The following CACNA1A variants were observed in gnomAD, a reference collection of about 807,000 sequenced individuals.
CACNA1A encodes voltage-dependent P/Q-type calcium channel subunit alpha-1A.
A neutral mutation model predicts 262.4 loss-of-function variants in CACNA1A; 57 were observed. The observed-to-expected ratio is 0.22, with a 90% CI of 0.18 to 0.27. CACNA1A has a LOEUF of 0.27. CACNA1A is among the 10% of genes least tolerant of loss of function. CACNA1A has a pLI of 1.00. For synonymous variants in CACNA1A, 1,431 were observed against 1,419.3 expected (o/e 1.01, Z -0.18); for missense variants, 2,526 against 3,562.8 (o/e 0.71, Z 7.41).
chr19:13,359,154 A>C (rs951664498), intron 6 of CACNA1A, among the ~76,000 whole-genome samples: 3 of 152,194 alleles, frequency 2.0e-5, no homozygotes, highest in Non-Finnish European at 4.4e-5. Flanking sequence ...GTGGGGCACA[A>C]GCTCTTGGTA....
At chr19:13,394,418 C>T (rs542635307) in intron 3 of CACNA1A, among the ~76,000 whole-genome samples, 1 of 152,336 alleles carries the variant, frequency 6.6e-6, no homozygotes, top group African/African-American at 2.4e-5. Context: ...TGCCTGCTAA[C>T]TTCATCAAGA....
chr19:13,352,181 G>A (rs1278511870), intron 6 of CACNA1A, among the ~76,000 whole-genome samples: 1 of 152,084 alleles, frequency 6.6e-6, no homozygotes, highest in African/African-American at 2.4e-5. Flanking sequence ...TGAGGTTGGT[G>A]GATCACTTGA....
Position 13,298,959 on chromosome 19 carries a change from T to A in CACNA1A, c.2674A>T (p.Ser892Cys). 6.3e-7 allele frequency: 1 copy of A among 1,588,344 alleles called. No individual in the cohort carries two copies. The highest frequency in any genetic ancestry group is 8.5e-7 in the Non-Finnish European group (1 of 1,174,746). The stretch of plus-strand genomic sequence containing the variant: ...TCGCGGCCGTAGGGTCCCTCCCGGC[T>A]CAGCTCGGCCTCCTGGCTTCCCGCC... ...PWAGSQEAEL[S>C]REGPYGRESD... is the part of the protein sequence containing the mutation. Residue 892 changes from serine to cysteine, a missense_variant, in exon 19 of 47, where the codon AGC (serine) becomes TGC (cysteine). By Grantham distance (112) the Ser-to-Cys change is moderately radical. This residue lies in a region of CACNA1A where 765 missense variants were observed against 748.6 expected (regional missense o/e 1.02). Coordinates refer to ENST00000360228, the MANE Select transcript of CACNA1A (RefSeq NM_001127222.2).
chr19:13,224,085 TGAGGTCAGGAGTTTGAGACCA>T (rs989445338), intron 38 of CACNA1A, among the ~76,000 whole-genome samples: 3 of 151,868 alleles, frequency 2.0e-5, no homozygotes, highest in South Asian at 2.1e-4. Context: ...GTGGATCACT[TGAGGTCAGGAGTTTGAGACCA>T]GAGGTCAGGA....
At chr19:13,320,533 C>A (rs780739174) in intron 10 of CACNA1A, among the ~76,000 whole-genome samples, 7 of 152,182 alleles carry the variant, frequency 4.6e-5, no homozygotes, top group African/African-American at 1.7e-4. Context: ...ACTAGGTTCA[C>A]GTGCCAGCCA....
chr19:13,367,510 GA>G (rs1568576623), intron 4 of CACNA1A, among the ~76,000 whole-genome samples: 1 of 151,398 alleles, frequency 6.6e-6, no homozygotes, highest in African/African-American at 2.4e-5. Flanking sequence ...GGCAGATCAC[GA>G]GGTCAGGAGA....
At chr19:13,441,856 C>T (rs946480175) in intron 3 of CACNA1A, among the ~76,000 whole-genome samples, 3 of 151,996 alleles carry the variant, frequency 2.0e-5, no homozygotes, top group Non-Finnish European at 2.9e-5. Context: ...TTTGTCATAG[C>T]AATTCGAGAA....
chr19:13,441,175 A>G (rs2060712078), intron 3 of CACNA1A, among the ~76,000 whole-genome samples: 1 of 152,154 alleles, frequency 6.6e-6, no homozygotes, highest in Non-Finnish European at 1.5e-5. Context: ...AGGGAGGTAC[A>G]GTAACTTGCC....
intron 1 of CACNA1A, among the ~76,000 whole-genome samples, chr19:13,486,675 TTC>T (rs753429831): frequency 2.1e-5 from 2 of 95,352 alleles, no homozygotes; most frequent in African/African-American, 5.3e-5. Flanking sequence ...AGAAGCAATA[TTC>T]TCTCTCTTCT....
chr19:13,474,457 G>T (rs970519969), intron 1 of CACNA1A, among the ~76,000 whole-genome samples: 1 of 152,200 alleles, frequency 6.6e-6, no homozygotes, highest in Non-Finnish European at 1.5e-5. Flanking sequence ...CTCCCTGGTG[G>T]GGTGAGCAGG....
At chr19:13,274,223 A>G (rs2057093778) in intron 24 of CACNA1A, 1 of 152,214 alleles carries the variant, frequency 6.6e-6, no homozygotes, top group South Asian at 2.1e-4. Flanking sequence ...ATACATCTCC[A>G]GCTCTGAGGC....
chr19:13,400,545 C>T (rs575965100), intron 3 of CACNA1A, among the ~76,000 whole-genome samples: 91 of 152,174 alleles, frequency 6.0e-4, no homozygotes, highest in South Asian at 1.0e-3. Context: ...CTATTTTTTG[C>T]AAGGTTGGTA....
chr19:13,383,062 A>T (rs181627197), intron 3 of CACNA1A, among the ~76,000 whole-genome samples: 6 of 152,338 alleles, frequency 3.9e-5, no homozygotes, highest in African/African-American at 1.4e-4. Flanking sequence ...TGGTGAAGAA[A>T]GAGAAGAATG....
intron 11 of CACNA1A, 143 bp from the exon 12 acceptor site, chr19:13,312,924 T>C: frequency 1.9e-6 from 1 of 515,426 alleles, no homozygotes; most frequent in Middle Eastern, 4.8e-4. Context: ...GTTAGGCTGG[T>C]TTCAAACTCC....
At chr19:13,425,497 T>G (rs1202032585) in intron 3 of CACNA1A, among the ~76,000 whole-genome samples, 5 of 152,170 alleles carry the variant, frequency 3.3e-5, no homozygotes, top group Admixed American at 1.3e-4. Context: ...TGAAGTTAAT[T>G]TACTCCCGTC....
At chr19:13,414,508 G>A (rs564165304) in intron 3 of CACNA1A, among the ~76,000 whole-genome samples, 3 of 152,264 alleles carry the variant, frequency 2.0e-5, no homozygotes, top group African/African-American at 4.8e-5. Flanking sequence ...TTGGAGACAC[G>A]TGGCACAAGA....
At chr19:13,489,153 G>A (rs554954799) in intron 1 of CACNA1A, among the ~76,000 whole-genome samples, 39 of 150,834 alleles carry the variant, frequency 2.6e-4, no homozygotes, top group African/African-American at 9.0e-4. Flanking sequence ...CTGGGACTGC[G>A]GGTGTGCACC....
chr19:13,452,596 C>G (rs887948458), intron 3 of CACNA1A: 2 of 268,886 alleles, frequency 7.4e-6, no homozygotes, highest in African/African-American at 4.4e-5. Context: ...TTTCCTAATT[C>G]AGTGGGTTGT....
intron 24 of CACNA1A, chr19:13,272,682 CAG>C (rs552767406): frequency 6.9e-6 from 1 of 143,988 alleles, no homozygotes; most frequent in East Asian, 2.0e-4. Context: ...CAGAAAGAGA[CAG>C]AGAGAGGGAA....
Sources: allele counts gnomAD v4.1 joint callset (sites outside exome capture counted in the v4.1 genomes callset), GRCh38; gene constraint gnomAD v4.1.1; regional missense constraint gnomAD v4.1.1; transcripts MANE v1.5; gene names NCBI Gene and HGNC (gene_info 2026-07-23, HGNC 2026-07-21).